Variants in GATA3 observed in about 807,000 individuals in gnomAD.
GATA3 encodes trans-acting T-cell-specific transcription factor GATA-3.
In GATA3, 6 loss-of-function variants were observed where a neutral mutation model predicts 36.0. The ratio of observed to expected loss-of-function variants is 0.17; its 90% CI spans 0.09 to 0.33. The LOEUF (loss-of-function observed/expected upper bound fraction) is 0.33. Ranked by LOEUF, GATA3 falls within the 10% of genes least tolerant of loss-of-function variation. The pLI is 1.00. For synonymous variants in GATA3, 326 were observed against 273.0 expected (o/e 1.19, Z -1.92); for missense variants, 514 against 610.1 (o/e 0.84, Z 1.66).
upstream of GATA3, among the ~76,000 whole-genome samples, chr10:8,049,696 G>T (rs891278073): frequency 6.6e-6 from 1 of 152,158 alleles, no homozygotes; most frequent in Admixed American, 6.5e-5. Context: ...AGAAACCCTT[G>T]CGCGGCCAGG....
chr10:8,071,220 A>G (rs886984485), intron 5 of GATA3, among the ~76,000 whole-genome samples: 3 of 152,204 alleles, frequency 2.0e-5, no homozygotes, highest in African/African-American at 7.2e-5. Context: ...CGCTTGCACA[A>G]GGTAACGTGG....
chr10:8,046,816 G>T (rs1041510092), intron 1 of GATA3, among the ~76,000 whole-genome samples: 5 of 152,086 alleles, frequency 3.3e-5, no homozygotes, highest in Non-Finnish European at 7.4e-5. Flanking sequence ...GGTCGCATAG[G>T]GGGTCTGATT....
intron 4 of GATA3, among the ~76,000 whole-genome samples, chr10:8,067,929 C>A (rs949175083): frequency 2.0e-5 from 3 of 152,238 alleles, no homozygotes; most frequent in Admixed American, 6.5e-5. Flanking sequence ...GAATTTTCTT[C>A]ATCACAGACA....
chr10:8,060,777 G>A (rs1383460289), intron 3 of GATA3, among the ~76,000 whole-genome samples: 1 of 152,182 alleles, frequency 6.6e-6, no homozygotes, highest in Non-Finnish European at 1.5e-5. Flanking sequence ...ATGGAGGGGA[G>A]AAAGAGAGGG....
Position 8,065,038 on chromosome 10 carries a change from T to C in GATA3, c.924+900T>C, listed in dbSNP as rs907331242. Among the ~76,000 whole-genome samples, 9 of 152,218 alleles carry C rather than the reference T, an allele frequency of 5.9e-5. 1 individual carries two copies. In the East Asian group the frequency reaches 1.5e-3, roughly 26 times the overall value. On this transcript the variant is annotated intron_variant, in intron 4 of 5. Transcript: ENST00000379328. ...AACAACTCTAGCCACAGCTAAGAGA[T>C]CAAAATGCTTTATGTGGTGCTGACA...
chr10:8,073,723 A>C lies in GATA3; in HGVS notation c.1051-16A>C, dbSNP rs764920043. On this transcript the variant is annotated splice_polypyrimidine_tract_variant and intron_variant, in intron 5 of 5. Transcript: ENST00000379328. ...AAAAAAGTAAAAAAAAAAAAAAAAAATTGATCTTTGTTTAGATTAACAGAC... is the reference window on the plus strand; with the variant it reads ...AAAAAAGTAAAAAAAAAAAAAAAAACTTGATCTTTGTTTAGATTAACAGAC... 4 of 1,593,368 alleles carry C rather than the reference A, an allele frequency of 2.5e-6. No individual in the cohort carries two copies. The Admixed American group carries it at 6.9e-5, about 28-fold the overall frequency.
chr10:8,055,827 A>C lies in GATA3; in HGVS notation c.172A>C (p.Asn58His). 6.3e-7 allele frequency: 1 copy of C among 1,589,248 alleles called. No individual in the cohort carries two copies. The highest frequency in any genetic ancestry group is 8.6e-7 in the Non-Finnish European group (1 of 1,167,712). ...DVLFNIDGQG[N>H]HVPPYYGNSV... ...GCTTTTTAACATCGACGGTCAAGGC[A>C]ACCACGTCCCGCCCTACTACGGAAA... Residue 58 changes from asparagine (N) to histidine (H), a missense_variant, in exon 2 of 6, where the codon AAC (asparagine) becomes CAC (histidine). This residue lies in a region of GATA3 where 381 missense variants were observed against 354.3 expected (regional missense o/e 1.08). Transcript: ENST00000379328. This position sits in a 1 kb window ranked among gnomAD's most constrained non-coding sequence, Gnocchi z 5.4.
chr10:8,074,153 T>C lies in GATA3; in HGVS notation c.*130T>C, dbSNP rs1279095900. On this transcript the variant is annotated 3_prime_UTR_variant, in exon 6 of 6. Coordinates refer to ENST00000379328, the MANE Select transcript of GATA3 (RefSeq NM_001002295.2). ...ATGTTTTTGAAGGCAGAAAGCAAAATTATGTTTGCCACTTTGCAAAGGAGC... is the reference window on the plus strand; with the variant it reads ...ATGTTTTTGAAGGCAGAAAGCAAAACTATGTTTGCCACTTTGCAAAGGAGC... 1 of 1,065,150 alleles carries C rather than the reference T, an allele frequency of 9.4e-7. No homozygotes were observed. Among genetic ancestry groups the C allele is most frequent in the East Asian group, 2.6e-5 (1 of 38,492 alleles). The allele number at this position is 1,065,150 out of a possible 1,614,324, so 66.0% of individuals were successfully genotyped here.
chr10:8,051,350 C>A (rs1832488001), upstream of GATA3: 1 of 236,052 alleles, frequency 4.2e-6, no homozygotes. Flanking sequence ...GCTGCCGACC[C>A]GCACGCCGCC....
intron 2 of GATA3, among the ~76,000 whole-genome samples, chr10:8,056,760 T>C (rs1832646675): frequency 1.3e-5 from 2 of 152,150 alleles, no homozygotes; most frequent in Non-Finnish European, 2.9e-5. Flanking sequence ...TCTTTCTCCC[T>C]TTCACCTGGA....
At chr10:8,046,038 C>A (rs1588364010) in intron 1 of GATA3, among the ~76,000 whole-genome samples, 1 of 152,188 alleles carries the variant, frequency 6.6e-6, no homozygotes, top group African/African-American at 2.4e-5. Context: ...ATCTGGCATA[C>A]CCCCGGGAAG....
chr10:8,070,972 A>G (rs1818225377), intron 5 of GATA3, among the ~76,000 whole-genome samples: 1 of 152,180 alleles, frequency 6.6e-6, no homozygotes, highest in African/African-American at 2.4e-5. Context: ...GAGATTCGTG[A>G]TTAAAATCTG....
intron 4 of GATA3, among the ~76,000 whole-genome samples, chr10:8,066,310 C>G (rs1182701414): frequency 6.6e-6 from 1 of 152,090 alleles, no homozygotes; most frequent in African/African-American, 2.4e-5. Flanking sequence ...AGTTCAATGA[C>G]TGTCACATTT....
chr10:8,056,893 G>A (rs1385740101), intron 2 of GATA3, among the ~76,000 whole-genome samples: 2 of 152,118 alleles, frequency 1.3e-5, no homozygotes, highest in Non-Finnish European at 1.5e-5. Flanking sequence ...GTAAAACATC[G>A]GGCAGAAAAA....
rs527931527 is a variant in GATA3 at position 8,057,640 on chromosome 10, C to T, written c.242-665C>T. Among the ~76,000 whole-genome samples, 6 of 152,316 alleles carry T rather than the reference C, an allele frequency of 3.9e-5. No homozygotes were observed. In the South Asian group the frequency reaches 1.2e-3, roughly 32 times the overall value. On this transcript the variant is annotated intron_variant, in intron 2 of 5. Transcript: ENST00000379328. ...AGCCCGAGCAATGAAAACGTCCCTG[C>T]AAATCCCATTTTAGGCCTTTTGCGG...
rs11128 is a variant in GATA3 at position 8,074,383 on chromosome 10, T to G, written c.*360T>G. On this transcript the variant is annotated 3_prime_UTR_variant, in exon 6 of 6. Coordinates refer to ENST00000379328, the MANE Select transcript of GATA3 (RefSeq NM_001002295.2). Reference sequence around the variant, plus strand: ...GTAAGGCATGAAGGATGCCAAGAAGTTTAAGGAATATGGGAGAAATAGTGT... The same window carrying G: ...GTAAGGCATGAAGGATGCCAAGAAGGTTAAGGAATATGGGAGAAATAGTGT... 1 of 280,990 alleles carries G rather than the reference T, an allele frequency of 3.6e-6. No individual in the cohort carries two copies. Among genetic ancestry groups the G allele is most frequent in the Non-Finnish European group, 6.7e-6 (1 of 149,742 alleles). 17.4% of individuals were successfully genotyped at this position (280,990 alleles called of 1,614,324 possible). A position where few individuals can be genotyped will look rare whatever the true frequency, so the allele number is the denominator to read the frequency against.
At chr10:8,054,093 C>T (rs1832569577), upstream of GATA3, among the ~76,000 whole-genome samples, 1 of 152,162 alleles carries the variant, frequency 6.6e-6, no homozygotes, top group Admixed American at 6.5e-5. The surrounding 1 kb of genome is among the most constrained non-coding windows in gnomAD (Gnocchi z 4.2). Flanking sequence ...AGGCATCTCC[C>T]CTTTATCCGA....
intron 4 of GATA3, 102 bp downstream of exon 4, chr10:8,064,240 C>A: frequency 7.0e-7 from 1 of 1,426,020 alleles, no homozygotes; most frequent in Non-Finnish European, 9.9e-7. Flanking sequence ...ACAGGATAGC[C>A]TCCAATCGTG....
chr10:8,069,700 C>T (rs1408827407), intron 5 of GATA3, 102 bp downstream of exon 5: 1 of 1,348,120 alleles, frequency 7.4e-7, no homozygotes, highest in Non-Finnish European at 1.0e-6. Context: ...ACCATGGGGG[C>T]AGATGACAGG....
Sources: allele counts gnomAD v4.1 joint callset (sites outside exome capture counted in the v4.1 genomes callset), GRCh38; gene constraint gnomAD v4.1.1; regional missense constraint gnomAD v4.1.1; non-coding constraint Gnocchi (gnomAD v3.1); transcripts MANE v1.5; gene names NCBI Gene and HGNC (gene_info 2026-07-23, HGNC 2026-07-21).